Variants in GPSM2 observed in about 807,000 individuals in gnomAD.
GPSM2 encodes G protein-signaling modulator 2.
GPSM2 carries 58 observed loss-of-function variants against 78.4 expected under a neutral mutation model. The observed-to-expected ratio is 0.74, with a 90% CI of 0.60 to 0.92. The LOEUF is 0.92. GPSM2 is among the 40% of genes least tolerant of loss of function. The pLI is 0.00. For synonymous variants in GPSM2, 224 were observed against 280.2 expected, an observed-to-expected ratio of 0.80 and a Z score of 2.00; for missense variants, 700 against 815.5, an observed-to-expected ratio of 0.86 and a Z score of 1.73.
At chr1:108,911,740 T>C (rs770015429) in intron 10 of GPSM2, among the ~76,000 whole-genome samples, 1 of 151,532 alleles carries the variant, frequency 6.6e-6, no homozygotes, top group Non-Finnish European at 1.5e-5. Flanking sequence ...TAACGGGAAA[T>C]TTTAATACAT....
chr1:108,889,923 T>C (rs1230121550), intron 2 of GPSM2, among the ~76,000 whole-genome samples: 1 of 152,216 alleles, frequency 6.6e-6, no homozygotes, highest in African/African-American at 2.4e-5. Context: ...CACCTTGCAC[T>C]TTGAGCTCTG....
intron 1 of GPSM2, among the ~76,000 whole-genome samples, chr1:108,883,994 C>G: frequency 6.6e-6 from 1 of 152,022 alleles, no homozygotes; most frequent in East Asian, 1.9e-4. Context: ...TCACTGCAAC[C>G]TCCGCCTCCC....
chr1:108,886,231 C>T (rs891793814), intron 2 of GPSM2, among the ~76,000 whole-genome samples: 9 of 151,984 alleles, frequency 5.9e-5, no homozygotes, highest in African/African-American at 1.7e-4. Context: ...TATTTCACAA[C>T]CATTATTACT....
chr1:108,892,549 A>G (rs1648049840), intron 2 of GPSM2, among the ~76,000 whole-genome samples: 1 of 152,350 alleles, frequency 6.6e-6, no homozygotes, highest in African/African-American at 2.4e-5. Context: ...TTGATTATAC[A>G]GCTAGATAGG....
chr1:108,921,937 T>C (rs1419861338), intron 12 of GPSM2, among the ~76,000 whole-genome samples: 1 of 152,222 alleles, frequency 6.6e-6, no homozygotes, highest in Non-Finnish European at 1.5e-5. Flanking sequence ...AGTATAAATA[T>C]AGTTCTTGCT....
At chr1:108,909,150 G>GTGTA (rs1290265514) in intron 10 of GPSM2, among the ~76,000 whole-genome samples, 1 of 152,104 alleles carries the variant, frequency 6.6e-6, no homozygotes, top group African/African-American at 2.4e-5. Context: ...ACACACGTAT[G>GTGTA]TGTATGTATG....
In GPSM2 at chr1:108,931,567, C is replaced by T; in HGVS notation, c.*1627C>T. Reference sequence around the variant, plus strand: ...TTTGGATGGGCAAATAGAACTATTTCTCTAATGGCCAATGTTTTTTAAGAG... The same window carrying T: ...TTTGGATGGGCAAATAGAACTATTTTTCTAATGGCCAATGTTTTTTAAGAG... On this transcript the variant is annotated 3_prime_UTR_variant, in exon 15 of 15. Coordinates refer to ENST00000264126, the MANE Select transcript of GPSM2 (RefSeq NM_013296.5). 2.8e-6 allele frequency: 4 copies of T among 1,442,028 alleles called. No homozygotes were observed. The highest frequency in any genetic ancestry group is 1.4e-5 in the South Asian group (1 of 69,540). The allele number at this position is 1,442,028 out of a possible 1,614,324, so 89.3% of individuals were successfully genotyped here.
chr1:108,885,686 C>G (rs1647484681), intron 2 of GPSM2, 108 bp downstream of exon 2: 2 of 767,436 alleles, frequency 2.6e-6, no homozygotes, highest in East Asian at 4.9e-5. Flanking sequence ...ATATACCAGC[C>G]ATAGTATTGT....
At chr1:108,923,902 G>T in intron 13 of GPSM2, 98 bp from the exon 14 acceptor site, 1 of 875,350 alleles carries the variant, frequency 1.1e-6, no homozygotes, top group Non-Finnish European at 1.9e-6. Context: ...GGACTGGCAA[G>T]GCCGAAAAGA....
chr1:108,898,960 C>A lies in GPSM2; in HGVS notation c.763C>A (p.Leu255Ile), dbSNP rs1648587292. 6.2e-7 allele frequency: 1 copy of A among 1,608,102 alleles called. No homozygotes were observed. The highest frequency in any genetic ancestry group is 1.1e-5 in the South Asian group (1 of 90,926). Residue 255 changes from leucine to isoleucine, a missense_variant, in exon 7 of 15, where the codon CTT (leucine) becomes ATT (isoleucine). Physicochemically the swap from Leu to Ile is conservative, Grantham distance 5 (BLOSUM62 2). Coordinates refer to ENST00000264126, the MANE Select transcript of GPSM2 (RefSeq NM_013296.5). ...CAACCTTGGAAATGCATATATATTT[C>A]TTGGTGAATTTGAAACTGCCTCGGA... is the stretch of plus-strand genomic sequence containing the variant. ...YSNLGNAYIFLGEFETASEYY... is the reference protein window; with the variant it reads ...YSNLGNAYIFIGEFETASEYY...
At chr1:108,885,731 C>T (rs1647489939) in intron 2 of GPSM2, among the ~76,000 whole-genome samples, 153 bp downstream of exon 2, 1 of 151,980 alleles carries the variant, frequency 6.6e-6, no homozygotes, top group Admixed American at 6.6e-5. Context: ...TGTAAGTTTT[C>T]CTTTCTGTAA....
intron 10 of GPSM2, among the ~76,000 whole-genome samples, chr1:108,904,469 T>C (rs1297729493): frequency 6.7e-6 from 1 of 148,778 alleles, no homozygotes; most frequent in Non-Finnish European, 1.5e-5. Context: ...AATTTATAAG[T>C]GTAAAACAAT....
intron 11 of GPSM2, among the ~76,000 whole-genome samples, chr1:108,915,572 G>A (rs924888721): frequency 1.3e-5 from 2 of 150,610 alleles, no homozygotes; most frequent in South Asian, 4.2e-4. Flanking sequence ...GACTGCAGGC[G>A]GGCACCACCA....
chr1:108,891,601 CCT>C (rs1238244002), intron 2 of GPSM2, among the ~76,000 whole-genome samples: 2 of 151,870 alleles, frequency 1.3e-5, no homozygotes, highest in Non-Finnish European at 2.9e-5. Flanking sequence ...CTCAAGCTAT[CCT>C]CCCACCTCAG....
At chr1:108,917,611 C>CACACACATATATATATATAT (rs1312607573) in intron 11 of GPSM2, among the ~76,000 whole-genome samples, 6 of 22,702 alleles carry the variant, frequency 2.6e-4, no homozygotes, top group Admixed American at 6.2e-4. Flanking sequence ...CACACACACA[C>CACACACATATATATATATAT]ATATATATAT....
intron 7 of GPSM2, 122 bp downstream of exon 7, chr1:108,899,116 C>G: frequency 1.5e-6 from 1 of 685,252 alleles, no homozygotes; most frequent in Non-Finnish European, 2.7e-6. Flanking sequence ...ATTTCCTTAT[C>G]TGTAACAGAA....
intron 14 of GPSM2, chr1:108,924,493 T>G (rs758371532): frequency 2.4e-5 from 11 of 458,078 alleles, no homozygotes; most frequent in Non-Finnish European, 3.6e-5. Context: ...TAGGTAATTA[T>G]GCTTGCTATG....
At position 108,903,200 on chromosome 1, in the gene GPSM2, A is replaced by G. The variant is rs1414929119; in HGVS notation, c.1028A>G (p.His343Arg). 2 of 1,607,952 alleles carry G rather than the reference A, an allele frequency of 1.2e-6. No individual in the cohort carries two copies. The highest frequency in any genetic ancestry group is 1.7e-6 in the Non-Finnish European group (2 of 1,174,688). The change falls in exon 9 of 15, where the codon CAT becomes CGT. Residue 343 changes from histidine to arginine, a missense_variant. Transcript: ENST00000264126. ...CTAGGAAATCATGATCAAGCAATGC[A>G]TTTTGCTGAAAAGCACTTGGAAATT... ...TALGNHDQAM[H>R]FAEKHLEISR...
chr1:108,914,545 C>A, intron 11 of GPSM2, 137 bp downstream of exon 11: 1 of 668,026 alleles, frequency 1.5e-6, no homozygotes, highest in Non-Finnish European at 2.6e-6. Context: ...AAAAAAAAGT[C>A]AGAAAAAGTA....
Sources: allele counts gnomAD v4.1 joint callset (sites outside exome capture counted in the v4.1 genomes callset), GRCh38; gene constraint gnomAD v4.1.1; transcripts MANE v1.5; gene names NCBI Gene and HGNC (gene_info 2026-07-23, HGNC 2026-07-21).